GC: variants seen among roughly 807,000 people sequenced by gnomAD.
GC encodes vitamin D-binding protein.
GC carries 43 observed loss-of-function variants against 56.7 expected under a neutral mutation model. The observed-to-expected ratio is 0.76, with a 90% confidence interval of 0.59 to 0.98. The LOEUF is 0.98. GC is among the 50% of genes least tolerant of loss of function. The probability of loss-of-function intolerance (pLI) is 0.00; values close to 1 mark genes in which losing one functional copy is unlikely to be tolerated. For missense variants in GC, 529 were observed against 545.9 expected (o/e 0.97, Z 0.31); for synonymous variants, 216 against 202.7 (o/e 1.07, Z -0.56).
chr4:71,772,567 C>A (rs185844498), intron 1 of GC, among the ~76,000 whole-genome samples: 12 of 152,238 alleles, frequency 7.9e-5, no homozygotes, highest in African/African-American at 2.9e-4. Flanking sequence ...ATTTATTTAA[C>A]TATTTGTGTT....
intron 1 of GC, among the ~76,000 whole-genome samples, chr4:71,796,128 C>T (rs1354804602): frequency 1.3e-5 from 2 of 152,104 alleles, no homozygotes; most frequent in African/African-American, 2.4e-5. Flanking sequence ...TCTGATCTGA[C>T]AATTATGTTG....
chr4:71,771,858 G>T (rs1446453328), intron 1 of GC, among the ~76,000 whole-genome samples: 3 of 152,106 alleles, frequency 2.0e-5, no homozygotes, highest in East Asian at 3.9e-4. Context: ...AATAATTAGG[G>T]CTAGAACTGT....
At chr4:71,752,940 T>A (rs1213831095) in intron 10 of GC, among the ~76,000 whole-genome samples, 1 of 152,192 alleles carries the variant, frequency 6.6e-6, no homozygotes, top group Non-Finnish European at 1.5e-5. Context: ...CTCTTCTATT[T>A]TATCCTAACC....
At chr4:71,778,597 T>C (rs1039235382) in intron 1 of GC, among the ~76,000 whole-genome samples, 9 of 152,042 alleles carry the variant, frequency 5.9e-5, no homozygotes, top group Non-Finnish European at 1.0e-4. Context: ...AATCTAGATT[T>C]TTTTGTGGAA....
At chr4:71,764,987 C>T (rs561312532) in intron 4 of GC, among the ~76,000 whole-genome samples, 40 of 152,260 alleles carry the variant, frequency 2.6e-4, no homozygotes, top group African/African-American at 9.1e-4. Context: ...TACACGTACA[C>T]GTCACATGTT....
upstream of GC, among the ~76,000 whole-genome samples, chr4:71,789,050 A>G (rs1462110353): frequency 6.6e-6 from 1 of 151,930 alleles, no homozygotes; most frequent in Non-Finnish European, 1.5e-5. Context: ...GAATATTAAA[A>G]CTGTGTAATT....
chr4:71,773,808 G>A (rs1352888877), intron 1 of GC, among the ~76,000 whole-genome samples: 1 of 151,774 alleles, frequency 6.6e-6, no homozygotes, highest in Admixed American at 6.6e-5. Flanking sequence ...GCTCTGTTGG[G>A]CATTTTATAT....
chr4:71,783,963 C>T lies in GC; in HGVS notation c.56G>A (p.Arg19Lys), dbSNP rs773354847. Residue 19 changes from arginine (R) to lysine (K), a missense_variant and splice_region_variant, in exon 1 of 13, where the codon AGA becomes AAA. By Grantham distance (26) the Arg-to-Lys change is conservative. Coordinates refer to ENST00000273951, the MANE Select transcript of GC (RefSeq NM_000583.4). ...GGTCACAACAAAAGAAATCTTACCT[C>T]TCTCTAAAGCATGTCCAAATGCCAC... ...LAVAFGHALE[R>K]GRDYEKNKVC... 6.3e-7 allele frequency: 1 copy of T among 1,588,354 alleles called. No homozygotes were observed. The highest frequency in any genetic ancestry group is 8.6e-7 in the Non-Finnish European group (1 of 1,167,790).
At chr4:71,779,910 G>C (rs170292) in intron 1 of GC, among the ~76,000 whole-genome samples, 1 of 151,648 alleles carries the variant, frequency 6.6e-6, no homozygotes, top group Non-Finnish European at 1.5e-5. Context: ...AACCCAAAGG[G>C]AACTTTCTTC....
intron 1 of GC, among the ~76,000 whole-genome samples, chr4:71,793,710 G>C (rs567473253): frequency 6.6e-6 from 1 of 152,264 alleles, no homozygotes; most frequent in Non-Finnish European, 1.5e-5. Context: ...GGAGTGGTGA[G>C]AGAGGGCATC....
upstream of GC, among the ~76,000 whole-genome samples, chr4:71,784,910 T>C (rs183396402): frequency 9.7e-4 from 147 of 151,826 alleles, no homozygotes; most frequent in Non-Finnish European, 1.6e-3. Flanking sequence ...AAGAGTGAAC[T>C]GAGCACTGGG....
chr4:71,762,463 T>A (rs942272574), intron 6 of GC, among the ~76,000 whole-genome samples: 2 of 152,224 alleles, frequency 1.3e-5, no homozygotes, highest in African/African-American at 4.8e-5. Context: ...TTTGAGTTAA[T>A]GCTGAAGTGA....
At chr4:71,781,637 A>G (rs1351530591) in intron 1 of GC, among the ~76,000 whole-genome samples, 1 of 151,860 alleles carries the variant, frequency 6.6e-6, no homozygotes, top group Non-Finnish European at 1.5e-5. Context: ...GAAGAGGGAA[A>G]GATATATTGT....
chr4:71,764,392 A>T (rs561135314), intron 4 of GC, among the ~76,000 whole-genome samples: 1 of 152,150 alleles, frequency 6.6e-6, no homozygotes, highest in Non-Finnish European at 1.5e-5. Context: ...AGGTTATAAT[A>T]CTGGCCACTA....
chr4:71,744,335 T>C (rs1741286779), intron 12 of GC, among the ~76,000 whole-genome samples: 1 of 148,398 alleles, frequency 6.7e-6, no homozygotes, highest in Non-Finnish European at 1.5e-5. Flanking sequence ...GGCGGGCGCC[T>C]GTAGCCCCAG....
At chr4:71,754,954 A>G in intron 9 of GC, 24 bp downstream of exon 9, 1 of 1,525,430 alleles carries the variant, frequency 6.6e-7, no homozygotes. Context: ...TATGTGCTTG[A>G]TAAAGAAAAT....
At chr4:71,757,065 G>C in intron 7 of GC, 151 bp from the exon 8 acceptor site, 1 of 607,150 alleles carries the variant, frequency 1.6e-6, no homozygotes, top group Non-Finnish European at 2.9e-6. Flanking sequence ...ATTTGGAAAG[G>C]CAGTTTGTCA....
intron 10 of GC, among the ~76,000 whole-genome samples, 198 bp from the exon 11 acceptor site, chr4:71,752,848 A>G (rs939081504): frequency 3.9e-5 from 6 of 152,210 alleles, no homozygotes; most frequent in Admixed American, 1.3e-4. Context: ...CTTCGAGATC[A>G]TAAAAATAAA....
intron 1 of GC, among the ~76,000 whole-genome samples, chr4:71,782,300 C>T (rs760234798): frequency 1.3e-5 from 2 of 151,764 alleles, no homozygotes; most frequent in Non-Finnish European, 2.9e-5. Context: ...TTTGTAACTT[C>T]CTGCCAGGAA....
Sources: gnomAD v4.1 joint callset for allele counts (sites outside exome capture counted in the v4.1 genomes callset) on GRCh38, gnomAD v4.1.1 for gene constraint, MANE v1.5 for transcripts, NCBI Gene and HGNC (gene_info 2026-07-23, HGNC 2026-07-21) for gene names.